The following SLIT3 variants were observed in gnomAD, a reference collection of about 807,000 sequenced individuals.
The protein encoded by SLIT3 is slit homolog 3 protein.
In SLIT3, 68 loss-of-function variants were observed where a neutral mutation model predicts 184.0. That is an observed-to-expected ratio of 0.37 (90% CI 0.30 to 0.45). The LOEUF is 0.45. Ranked by LOEUF, SLIT3 falls within the 20% of genes least tolerant of loss-of-function variation. The probability of loss-of-function intolerance (pLI) is 1.00; values close to 1 mark genes in which losing one functional copy is unlikely to be tolerated. For missense variants in SLIT3, 1,707 were observed against 2,026.0 expected (o/e 0.84, Z 3.02); for synonymous variants, 831 against 828.6 (o/e 1.00, Z -0.05).
rs562919205 is a variant in SLIT3, at chr5:168,921,786, G to C, written c.414-38450C>G. ...ATAATGATGGAATGACAAGGAGAAG[G>C]AGAACACTTTGTTTATAAATGCTAT... On this transcript the variant is annotated intron_variant, in intron 4 of 35. Coordinates refer to ENST00000519560, the MANE Select transcript of SLIT3 (RefSeq NM_003062.4). Among the ~76,000 whole-genome samples, 3 of 152,290 alleles carry C rather than the reference G, an allele frequency of 2.0e-5. No homozygotes were observed. The South Asian group carries it at 6.2e-4, about 32-fold the overall frequency.
At chr5:169,162,676 G>T (rs1237327320) in intron 4 of SLIT3, among the ~76,000 whole-genome samples, 1 of 152,160 alleles carries the variant, frequency 6.6e-6, no homozygotes, top group African/African-American at 2.4e-5. Flanking sequence ...CACCATTCCT[G>T]ACCCCGATTG....
chr5:168,816,743 A>AT (rs1185063479), intron 8 of SLIT3, among the ~76,000 whole-genome samples: 1 of 152,220 alleles, frequency 6.6e-6, no homozygotes, highest in Non-Finnish European at 1.5e-5. Context: ...AGGGCTGTGT[A>AT]TTATGCTAAG....
intron 25 of SLIT3, chr5:168,710,335 C>G (rs1386149440): frequency 6.6e-6 from 1 of 152,120 alleles, no homozygotes; most frequent in Admixed American, 6.5e-5. Context: ...ACCATCATTC[C>G]TGTTGCATAC....
At chr5:168,942,523 G>C (rs1176276778) in intron 4 of SLIT3, among the ~76,000 whole-genome samples, 1 of 152,064 alleles carries the variant, frequency 6.6e-6, no homozygotes, top group Non-Finnish European at 1.5e-5. Context: ...TGGGGAAGAG[G>C]GGTAGACAGA....
chr5:168,863,190 A>G (rs1031570472), intron 5 of SLIT3, among the ~76,000 whole-genome samples: 2 of 152,002 alleles, frequency 1.3e-5, no homozygotes. Context: ...CAATGAATCA[A>G]TTTTTTTTCA....
At chr5:169,135,652 T>TA (rs1240566771) in intron 4 of SLIT3, among the ~76,000 whole-genome samples, 46 of 152,314 alleles carry the variant, frequency 3.0e-4, no homozygotes, top group African/African-American at 1.1e-3. Context: ...TGAGTCATGA[T>TA]ATAAATTATA....
At chr5:168,951,768 C>T (rs900528500) in intron 4 of SLIT3, among the ~76,000 whole-genome samples, 1 of 152,286 alleles carries the variant, frequency 6.6e-6, no homozygotes, top group South Asian at 2.1e-4. Flanking sequence ...AAAGCCTGAT[C>T]CAGGCCAAGG....
chr5:168,779,354 C>T (rs989256711), intron 12 of SLIT3, among the ~76,000 whole-genome samples: 54 of 152,220 alleles, frequency 3.5e-4, no homozygotes, highest in Admixed American at 3.0e-3. Context: ...ATCAACGCAG[C>T]GGGTGATTTT....
At chr5:169,230,905 G>A (rs7715984) in intron 3 of SLIT3, among the ~76,000 whole-genome samples, 3,573 of 152,122 alleles carry the variant, frequency 0.023, 78 homozygotes, top group South Asian at 0.13. Context: ...TACAGAAAAG[G>A]ATAAATATAT....
intron 1 of SLIT3, among the ~76,000 whole-genome samples, chr5:169,252,494 A>G (rs1260299278): frequency 6.6e-6 from 1 of 152,222 alleles, no homozygotes; most frequent in Non-Finnish European, 1.5e-5. Context: ...CAACTGCATG[A>G]ATATTCCGTG....
At position 169,079,686 on chromosome 5, in the gene SLIT3, AGAG is replaced by A. The variant is rs1167267751; in HGVS notation, c.413+113790_413+113792del. Among the ~76,000 whole-genome samples the A allele has an allele frequency of 1.7e-3, 63 of 36,844 alleles. 1 individual carries two copies. Among genetic ancestry groups the A allele is most frequent in the Non-Finnish European group, 2.3e-3 (46 of 19,656 alleles). The allele number at this position is 36,844 out of a possible 152,430, so 24.2% of individuals were successfully genotyped here. On this transcript the variant is annotated intron_variant, in intron 4 of 35. Transcript: ENST00000519560. ...GAGGAGGGAAGAGGAGGAGGAGGGA[AGAG>A]GAGGAGGAGGGAAGAGGAGGAGGAG...
chr5:169,221,668 T>G (rs1764623080), intron 3 of SLIT3, among the ~76,000 whole-genome samples: 1 of 152,178 alleles, frequency 6.6e-6, no homozygotes, highest in Non-Finnish European at 1.5e-5. Flanking sequence ...GTGACTTGCC[T>G]TCAGACATCC....
intron 3 of SLIT3, among the ~76,000 whole-genome samples, chr5:169,195,213 C>G (rs1763703228): frequency 6.6e-6 from 1 of 152,186 alleles, no homozygotes; most frequent in Non-Finnish European, 1.5e-5. Context: ...ACCAAGCAGA[C>G]ATGATTTCCT....
intron 1 of SLIT3, among the ~76,000 whole-genome samples, chr5:169,258,469 T>C (rs1766053357): frequency 6.6e-6 from 1 of 152,234 alleles, no homozygotes; most frequent in African/African-American, 2.4e-5. Context: ...TGAGCCCCTC[T>C]GCAAGCTCAA....
At chr5:169,110,825 G>A (rs1266967250) in intron 4 of SLIT3, among the ~76,000 whole-genome samples, 2 of 152,078 alleles carry the variant, frequency 1.3e-5, no homozygotes, top group Non-Finnish European at 1.5e-5. Context: ...TTATTCTACA[G>A]CCAACTGTCC....
chr5:168,823,357 T>A, intron 6 of SLIT3, 26 bp from the exon 7 acceptor site: 1 of 1,572,826 alleles, frequency 6.4e-7, no homozygotes, highest in Non-Finnish European at 8.7e-7. Flanking sequence ...AGGGAGATGG[T>A]CAGCCAGGCA....
intron 4 of SLIT3, among the ~76,000 whole-genome samples, chr5:169,074,425 A>G (rs1198453772): frequency 6.6e-6 from 1 of 152,174 alleles, no homozygotes; most frequent in African/African-American, 2.4e-5. Context: ...AGTAGTAGTA[A>G]TAATAATGAT....
intron 29 of SLIT3, among the ~76,000 whole-genome samples, chr5:168,692,032 A>T (rs1761922281): frequency 6.6e-6 from 1 of 152,170 alleles, no homozygotes; most frequent in African/African-American, 2.4e-5. Flanking sequence ...AGGGCTGCTC[A>T]CGTGCTCCCC....
chr5:168,795,400 G>C, intron 10 of SLIT3, 107 bp downstream of exon 10: 2 of 832,808 alleles, frequency 2.4e-6, no homozygotes, highest in South Asian at 2.8e-5. Context: ...GAACTGCCCA[G>C]GAGGAATGGA....
Sources: allele counts gnomAD v4.1 joint callset (sites outside exome capture counted in the v4.1 genomes callset), GRCh38; gene constraint gnomAD v4.1.1; transcripts MANE v1.5; gene names NCBI Gene and HGNC (gene_info 2026-07-23, HGNC 2026-07-21).